Variants in TAF15 observed in about 807,000 individuals in gnomAD.
The protein encoded by TAF15 is TATA-binding protein-associated factor 2N.
TAF15 carries 37 observed loss-of-function variants against 102.5 expected under a neutral mutation model. The observed-to-expected ratio is 0.36, with a 90% CI of 0.28 to 0.47. The LOEUF is 0.47. Among genes scored for constraint, TAF15 ranks in the 20% least tolerant of loss-of-function variants. TAF15 has a pLI of 0.99. For missense variants in TAF15, 652 were observed against 760.7 expected (o/e 0.86, Z 1.68); for synonymous variants, 273 against 259.2 (o/e 1.05, Z -0.51).
At chr17:35,828,093 G>A (rs974351489) in intron 7 of TAF15, among the ~76,000 whole-genome samples, 3 of 152,118 alleles carry the variant, frequency 2.0e-5, no homozygotes, top group Non-Finnish European at 4.4e-5. Context: ...TTATTAGTAT[G>A]CCATCAAATT....
Position 35,826,331 on chromosome 17 carries a change from T to C in TAF15, c.605+2133T>C, listed in dbSNP as rs190539022. ...GTTGAGATGTTCATGAAAGGCCTTTTTTAGAAATCCGTATGGATGCCGATT... is the reference window on the plus strand; with the variant it reads ...GTTGAGATGTTCATGAAAGGCCTTTCTTAGAAATCCGTATGGATGCCGATT... On this transcript the variant is annotated intron_variant, in intron 7 of 15. Coordinates refer to ENST00000605844, the MANE Select transcript of TAF15 (RefSeq NM_139215.3). 2.0e-5 allele frequency among the ~76,000 whole-genome samples: 3 copies of C among 152,254 alleles called. No homozygotes were observed. The East Asian group carries it at 5.8e-4, about 29-fold the overall frequency.
chr17:35,811,470 T>C (rs906938398), intron 1 of TAF15: 2 of 152,260 alleles, frequency 1.3e-5, no homozygotes, highest in African/African-American at 2.4e-5. Flanking sequence ...TTAGGCTTGG[T>C]ATACTATTTA....
chr17:35,815,367 C>G (rs1192963381), intron 1 of TAF15, among the ~76,000 whole-genome samples: 1 of 152,190 alleles, frequency 6.6e-6, no homozygotes, highest in Non-Finnish European at 1.5e-5. Flanking sequence ...TGTAAAACAC[C>G]TGCACTTTAT....
chr17:35,813,391 T>G (rs1368686316), intron 1 of TAF15, among the ~76,000 whole-genome samples: 1 of 152,082 alleles, frequency 6.6e-6, no homozygotes, highest in African/African-American at 2.4e-5. Context: ...CCCAGCACTT[T>G]AAGAGGCTGA....
At chr17:35,822,195 GC>G (rs1267561552) in intron 5 of TAF15, among the ~76,000 whole-genome samples, 2 of 151,970 alleles carry the variant, frequency 1.3e-5, no homozygotes, top group Non-Finnish European at 2.9e-5. Flanking sequence ...TACAAAATTA[GC>G]CAGGCGTGGT....
intron 7 of TAF15, among the ~76,000 whole-genome samples, chr17:35,832,780 G>A (rs879710477): frequency 7.9e-5 from 12 of 152,130 alleles, no homozygotes; most frequent in Non-Finnish European, 1.8e-4. Flanking sequence ...TATTTAAAGA[G>A]TTTCTTGATA....
chr17:35,824,158 G>A lies in TAF15; in HGVS notation c.565G>A (p.Gly189Arg). The change falls in exon 7 of 16, where the codon GGA becomes AGA. Residue 189 changes from glycine to arginine, a missense_variant. Coordinates refer to ENST00000605844, the MANE Select transcript of TAF15 (RefSeq NM_139215.3). The stretch of plus-strand genomic sequence containing the variant: ...ACAGGGAGGAGGTAGAGGGCGTGGG[G>A]GATATGACAAGGATGGAAGAGGTCC... ...GSQGGGRGRG[G>R]YDKDGRGPMT... The A allele has an allele frequency of 6.2e-7, 1 of 1,614,014 alleles. No homozygotes were observed. Among genetic ancestry groups the A allele is most frequent in the Non-Finnish European group, 8.5e-7 (1 of 1,180,008 alleles).
chr17:35,846,677 A>G (rs2087626395), intron 15 of TAF15, among the ~76,000 whole-genome samples: 1 of 152,188 alleles, frequency 6.6e-6, no homozygotes, highest in African/African-American at 2.4e-5. Context: ...TTTAAGTGGA[A>G]AATTTTTAAG....
At position 35,824,129 on chromosome 17, in the gene TAF15, G is replaced by T. The variant is rs746261562; in HGVS notation, c.536G>T (p.Gly179Val). 6.2e-7 allele frequency: 1 copy of T among 1,613,968 alleles called. No homozygotes were observed. Among genetic ancestry groups the T allele is most frequent in the Non-Finnish European group, 8.5e-7 (1 of 1,180,026 alleles). The change falls in exon 7 of 16, where the codon GGG becomes GTG. Residue 179 changes from glycine to valine, a missense_variant. Physicochemically the swap from Gly to Val is moderately radical, Grantham distance 109. This residue lies in a region of TAF15 where 243 missense variants were observed against 284.1 expected (regional missense o/e 0.86). Transcript: ENST00000605844. ...GGAGAAGATAATAGAGGATATGGCGGGTCACAGGGAGGAGGTAGAGGGCGT... is the reference window on the plus strand; with the variant it reads ...GGAGAAGATAATAGAGGATATGGCGTGTCACAGGGAGGAGGTAGAGGGCGT... ...RYGEDNRGYG[G>V]SQGGGRGRGG...
At chr17:35,834,293 T>TAGC in intron 8 of TAF15, 1 of 446,298 alleles carries the variant, frequency 2.2e-6, no homozygotes, top group Admixed American at 3.7e-5. Context: ...CAATCAGCCT[T>TAGC]TACAACCAGA....
intron 7 of TAF15, among the ~76,000 whole-genome samples, chr17:35,829,236 T>C (rs992639343): frequency 6.6e-6 from 1 of 152,174 alleles, no homozygotes; most frequent in African/African-American, 2.4e-5. Flanking sequence ...TGAAATTTTC[T>C]AAGAATAGAG....
intron 7 of TAF15, among the ~76,000 whole-genome samples, chr17:35,829,210 C>T (rs541306570): frequency 6.6e-6 from 1 of 152,240 alleles, no homozygotes; most frequent in African/African-American, 2.4e-5. Flanking sequence ...TAGCCAAGTC[C>T]TTTCTCTCTA....
intron 5 of TAF15, 87 bp downstream of exon 5, chr17:35,820,524 T>G: frequency 7.6e-7 from 1 of 1,310,430 alleles, no homozygotes; most frequent in Non-Finnish European, 1.1e-6. Flanking sequence ...AATCCTAGCT[T>G]TAAACTTTTT....
chr17:35,826,344 A>G (rs2087325922), intron 7 of TAF15, among the ~76,000 whole-genome samples: 1 of 152,106 alleles, frequency 6.6e-6, no homozygotes, highest in Non-Finnish European at 1.5e-5. Context: ...AGAAATCCGT[A>G]TGGATGCCGA....
chr17:35,834,266 A>G (rs2087442735), intron 8 of TAF15: 1 of 393,224 alleles, frequency 2.5e-6, no homozygotes, highest in Admixed American at 4.1e-5. Context: ...TGGTGTTTTT[A>G]AATTATTAGG....
At chr17:35,820,644 G>T (rs994352739) in intron 5 of TAF15, among the ~76,000 whole-genome samples, 2 of 151,892 alleles carry the variant, frequency 1.3e-5, no homozygotes, top group Non-Finnish European at 2.9e-5. Flanking sequence ...TGAAATCATT[G>T]TTTAGCTATA....
chr17:35,821,901 A>G (rs993628264), intron 5 of TAF15, among the ~76,000 whole-genome samples: 1 of 152,244 alleles, frequency 6.6e-6, no homozygotes, highest in African/African-American at 2.4e-5. Flanking sequence ...AGATCTAAAA[A>G]TATTTTAAGA....
intron 15 of TAF15, among the ~76,000 whole-genome samples, chr17:35,845,605 T>C (rs146468096): frequency 0.015 from 2,244 of 152,228 alleles, 49 homozygotes; most frequent in African/African-American, 0.051. Context: ...CCCCGCCTCC[T>C]GGGTTCACGC....
At chr17:35,833,624 G>T (rs2087434059) in intron 7 of TAF15, 1 of 353,738 alleles carries the variant, frequency 2.8e-6, no homozygotes, top group Non-Finnish European at 5.2e-6. Flanking sequence ...TTTATGTTAT[G>T]GTTTAATAGT....
Sources: gnomAD v4.1 joint callset for allele counts (sites outside exome capture counted in the v4.1 genomes callset) on GRCh38, gnomAD v4.1.1 for gene constraint, gnomAD v4.1.1 regional missense constraint, MANE v1.5 for transcripts, NCBI Gene and HGNC (gene_info 2026-07-23, HGNC 2026-07-21) for gene names.